The following TFCP2L1 variants were observed in gnomAD, a reference collection of about 807,000 sequenced individuals.
TFCP2L1 encodes transcription factor CP2 like 1.
TFCP2L1 carries 12 observed loss-of-function variants against 72.2 expected under a neutral mutation model. That is an observed-to-expected ratio of 0.17 (90% CI 0.11 to 0.27). The LOEUF (loss-of-function observed/expected upper bound fraction) is 0.27. Ranked by LOEUF, TFCP2L1 falls within the 10% of genes least tolerant of loss-of-function variation. The pLI is 1.00. For missense variants in TFCP2L1, 488 were observed against 624.6 expected (o/e 0.78, Z 2.33); for synonymous variants, 260 against 251.0 (o/e 1.04, Z -0.34).
At chr2:121,235,162 C>T in intron 11 of TFCP2L1, 59 bp downstream of exon 11, 8 of 1,589,134 alleles carry the variant, frequency 5.0e-6, no homozygotes, top group Non-Finnish European at 6.9e-6. Context: ...TAGGGGTTTC[C>T]CACCACATGC....
chr2:121,281,370 C>T (rs1310557423), intron 1 of TFCP2L1, 99 bp from the exon 2 acceptor site: 1 of 1,374,440 alleles, frequency 7.3e-7, no homozygotes, highest in Admixed American at 2.4e-5. Flanking sequence ...CACCGGGGCC[C>T]AGGGTGACAC....
In TFCP2L1 at chr2:121,234,190, C is replaced by T. The variant is rs776911419; in HGVS notation, c.1099G>A (p.Val367Met). The T allele has an allele frequency of 5.0e-6, 8 of 1,614,124 alleles. No individual in the cohort carries two copies. Among genetic ancestry groups the T allele is most frequent in the South Asian group, 4.4e-5 (4 of 91,082 alleles). The part of the protein sequence containing the change: ...RLFNAIKGRN[V>M]RPKMTIYVCQ... Reference sequence around the variant, plus strand: ...ACATAAATGGTCATCTTTGGCCTCACATTCCTGGCAGGAGAAGAGAAAATA... The same window carrying T: ...ACATAAATGGTCATCTTTGGCCTCATATTCCTGGCAGGAGAAGAGAAAATA... Residue 367 changes from valine (V) to methionine (M), a missense_variant, in exon 12 of 15, where the codon GTG becomes ATG. Coordinates refer to ENST00000263707, the MANE Select transcript of TFCP2L1 (RefSeq NM_014553.3).
chr2:121,269,217 C>T (rs1016147396), intron 2 of TFCP2L1, among the ~76,000 whole-genome samples: 5 of 151,846 alleles, frequency 3.3e-5, no homozygotes, highest in Non-Finnish European at 7.4e-5. Context: ...GAGGCTGAGG[C>T]GGGGGTGGAT....
chr2:121,259,775 T>C (rs1175227979), intron 2 of TFCP2L1, among the ~76,000 whole-genome samples: 1 of 152,260 alleles, frequency 6.6e-6, no homozygotes. Context: ...GTCTAATATA[T>C]ACATCTAACA....
intron 6 of TFCP2L1, among the ~76,000 whole-genome samples, chr2:121,244,943 C>G (rs1223818673): frequency 6.6e-6 from 1 of 152,166 alleles, no homozygotes; most frequent in Non-Finnish European, 1.5e-5. Context: ...AGGGCCGCCA[C>G]GCCCACTGCT....
In TFCP2L1 at chr2:121,216,885, C is replaced by T. The variant is rs1048208998; in HGVS notation, c.*7456G>A. On this transcript the variant is annotated 3_prime_UTR_variant, in exon 15 of 15. Coordinates refer to ENST00000263707, the MANE Select transcript of TFCP2L1 (RefSeq NM_014553.3). Reference sequence around the variant, plus strand: ...CTTTAGAAAGAAATCATTTTAAATACATGAACATTAGAGAACACAGTAACC... The same window carrying T: ...CTTTAGAAAGAAATCATTTTAAATATATGAACATTAGAGAACACAGTAACC... 3 of 152,210 alleles carry T rather than the reference C, an allele frequency of 2.0e-5. No individual in the cohort carries two copies. The highest frequency in any genetic ancestry group is 4.4e-5 in the Non-Finnish European group (3 of 68,050). 9.4% of individuals were successfully genotyped at this position (152,210 alleles called of 1,614,324 possible). A position where few individuals can be genotyped will look rare whatever the true frequency, so the allele number is the denominator to read the frequency against.
At chr2:121,280,854 T>A (rs945998059) in intron 2 of TFCP2L1, among the ~76,000 whole-genome samples, 4 of 150,878 alleles carry the variant, frequency 2.7e-5, no homozygotes, top group Non-Finnish European at 5.9e-5. Flanking sequence ...ATCTGCTCCA[T>A]GGAGGGGCTA....
intron 2 of TFCP2L1, among the ~76,000 whole-genome samples, chr2:121,266,486 C>A (rs1169628177): frequency 6.6e-6 from 1 of 152,174 alleles, no homozygotes; most frequent in Non-Finnish European, 1.5e-5. Flanking sequence ...CCTCCAGCCC[C>A]ACTGATGGTC....
At chr2:121,242,323 C>G (rs372916017) in intron 7 of TFCP2L1, 36 bp downstream of exon 7, 2 of 1,582,974 alleles carry the variant, frequency 1.3e-6, no homozygotes, top group Middle Eastern at 1.7e-4. Flanking sequence ...GGTGGAAGAC[C>G]CTTGGAGGCT....
intron 2 of TFCP2L1, among the ~76,000 whole-genome samples, chr2:121,272,117 C>T (rs1558745104): frequency 1.3e-5 from 2 of 152,136 alleles, no homozygotes; most frequent in Admixed American, 1.3e-4. Context: ...AGGGTGCTTC[C>T]CCTTCCAGAA....
Position 121,281,234 on chromosome 2 carries a change from G to A in TFCP2L1, c.100C>T (p.Pro34Ser). The part of the protein sequence containing the change: ...LALPIFKQEE[P>S]QLSPENEARL... ...GCCTCGTTCTCGGGGGACAGCTGGG[G>A]TTCCTCCTGCTTGAAGATGGGCAGA... The change falls in exon 2 of 15, where the codon CCC becomes TCC. Residue 34 changes from proline (P) to serine (S), a missense_variant. Physicochemically the swap from Pro to Ser is moderately conservative, Grantham distance 74. Coordinates refer to ENST00000263707, the MANE Select transcript of TFCP2L1 (RefSeq NM_014553.3). 6.2e-7 allele frequency: 1 copy of A among 1,610,948 alleles called. No individual in the cohort carries two copies. The highest frequency in any genetic ancestry group is 1.3e-5 in the African/African-American group (1 of 74,806).
chr2:121,239,316 C>T (rs553421529), intron 8 of TFCP2L1, among the ~76,000 whole-genome samples: 3 of 152,326 alleles, frequency 2.0e-5, no homozygotes, highest in South Asian at 4.1e-4. Flanking sequence ...CCGCATGCAC[C>T]CTCAAGCCAG....
chr2:121,229,108 G>A (rs1686091346), intron 13 of TFCP2L1, among the ~76,000 whole-genome samples: 1 of 151,862 alleles, frequency 6.6e-6, no homozygotes, highest in South Asian at 2.1e-4. Context: ...GTAGAGACAG[G>A]GTTTCGTCAT....
intron 2 of TFCP2L1, among the ~76,000 whole-genome samples, chr2:121,269,918 A>AAAAATAT: frequency 8.7e-6 from 1 of 115,182 alleles, no homozygotes; most frequent in South Asian, 3.1e-4. Flanking sequence ...AAAAAAAAAA[A>AAAAATAT]ATATATATAT....
chr2:121,235,567 T>C (rs1174869286), intron 10 of TFCP2L1, among the ~76,000 whole-genome samples: 1 of 94,192 alleles, frequency 1.1e-5, no homozygotes, highest in African/African-American at 3.2e-5. Flanking sequence ...GCTTGCTTTC[T>C]TTCTTTCTTT....
intron 13 of TFCP2L1, among the ~76,000 whole-genome samples, chr2:121,230,116 G>T (rs915423352): frequency 3.9e-5 from 6 of 152,106 alleles, no homozygotes; most frequent in Admixed American, 6.5e-5. Context: ...TGAACTGGGG[G>T]CACACGATCC....
chr2:121,234,942 C>T lies in TFCP2L1; in HGVS notation c.1094+279G>A, dbSNP rs1259912951. On this transcript the variant is annotated intron_variant, in intron 11 of 14. Transcript: ENST00000263707. ...GAACATGGGCAAGTGGCTCAGAGGC[C>T]GAGATCCAGAGGCCAAGGCTCTCGT... Among the ~76,000 whole-genome samples, 4 of 152,230 alleles carry T rather than the reference C, an allele frequency of 2.6e-5. No homozygotes were observed. In the East Asian group the frequency reaches 7.7e-4, roughly 29 times the overall value.
intron 2 of TFCP2L1, among the ~76,000 whole-genome samples, chr2:121,250,973 C>T (rs756025974): frequency 6.7e-6 from 1 of 149,934 alleles, no homozygotes; most frequent in African/African-American, 2.4e-5. Flanking sequence ...TAAGAAGTTA[C>T]AAAAATATGG....
rs1685934007 is a variant in TFCP2L1 at position 121,221,807 on chromosome 2, A to G, written c.*2534T>C. ...GTGTCTCAAAGGACACCAACAAGAA[A>G]CTGAAAACAATCCACAGAAGGGGAG... On this transcript the variant is annotated 3_prime_UTR_variant, in exon 15 of 15. Transcript: ENST00000263707. 6.6e-6 allele frequency: 1 copy of G among 152,220 alleles called. No homozygotes were observed. The highest frequency in any genetic ancestry group is 2.4e-5 in the African/African-American group (1 of 41,452). The allele number at this position is 152,220 out of a possible 1,614,324, so 9.4% of individuals were successfully genotyped here.
Sources: gnomAD v4.1 joint callset for allele counts (sites outside exome capture counted in the v4.1 genomes callset) on GRCh38, gnomAD v4.1.1 for gene constraint, MANE v1.5 for transcripts, NCBI Gene and HGNC (gene_info 2026-07-23, HGNC 2026-07-21) for gene names.